Variants in TEAD1 observed in about 807,000 individuals in gnomAD.
The protein encoded by TEAD1 is transcriptional enhancer factor TEF-1.
TEAD1 carries 9 observed loss-of-function variants against 54.9 expected under a neutral mutation model. The ratio of observed to expected loss-of-function variants is 0.16; its 90% CI spans 0.10 to 0.29. The LOEUF (loss-of-function observed/expected upper bound fraction) is 0.29. Ranked by LOEUF, TEAD1 falls within the 10% of genes least tolerant of loss-of-function variation. TEAD1 has a pLI of 1.00. For synonymous variants in TEAD1, 200 were observed against 187.8 expected (o/e 1.07, Z -0.53); for missense variants, 387 against 535.9 (o/e 0.72, Z 2.74).
At chr11:12,890,425 C>T (rs773728376) in intron 9 of TEAD1, among the ~76,000 whole-genome samples, 3 of 152,164 alleles carry the variant, frequency 2.0e-5, no homozygotes, top group Non-Finnish European at 4.4e-5. Flanking sequence ...GGGACCGCTG[C>T]TTTAGAGCCT....
intron 2 of TEAD1, among the ~76,000 whole-genome samples, chr11:12,752,847 G>GTT (rs36003316): frequency 2.7e-5 from 4 of 147,866 alleles, no homozygotes; most frequent in African/African-American, 5.0e-5. Context: ...ATATGCTACA[G>GTT]TTTTTTTTTT....
Position 12,831,475 on chromosome 11 carries a change from G to T in TEAD1, c.203-30775G>T, listed in dbSNP as rs542517523. On this transcript the variant is annotated intron_variant, in intron 3 of 12. Coordinates refer to ENST00000527636, the MANE Select transcript of TEAD1 (RefSeq NM_021961.6). ...GTCTTAAAAATCTTGCTCTTGTATA[G>T]TCAAGAAATTATTGTTTGAAATGGT... Among the ~76,000 whole-genome samples, 53 of 152,286 alleles carry T rather than the reference G, an allele frequency of 3.5e-4. No individual in the cohort carries two copies. The South Asian group carries it at 0.011, about 31-fold the overall frequency.
chr11:12,857,453 A>T lies in TEAD1; in HGVS notation c.203-4797A>T, dbSNP rs1234570666. On this transcript the variant is annotated intron_variant, in intron 3 of 12. Transcript: ENST00000527636. ...ACAGGCGTGGTGTAAGGCAGAAAGG[A>T]AGACGGTCCCCAGGTGACTGCAGGA... Among the ~76,000 whole-genome samples the T allele has an allele frequency of 2.6e-5, 4 of 152,192 alleles. No individual in the cohort carries two copies. In the South Asian group the frequency reaches 8.3e-4, roughly 32 times the overall value.
At chr11:12,871,534 A>C (rs1259234300) in intron 5 of TEAD1, among the ~76,000 whole-genome samples, 2 of 152,176 alleles carry the variant, frequency 1.3e-5, no homozygotes, top group Non-Finnish European at 2.9e-5. Flanking sequence ...AGTTCCATGC[A>C]GGAGTCTCTT....
chr11:12,714,689 TG>T (rs1407431190), intron 2 of TEAD1, among the ~76,000 whole-genome samples: 1 of 152,086 alleles, frequency 6.6e-6, no homozygotes, highest in East Asian at 1.9e-4. Context: ...GCAACAGAAG[TG>T]TATTTGCTCA....
intron 9 of TEAD1, among the ~76,000 whole-genome samples, chr11:12,890,657 C>A (rs1210418843): frequency 6.6e-6 from 1 of 152,174 alleles, no homozygotes; most frequent in Non-Finnish European, 1.5e-5. Flanking sequence ...GAATGTCTTA[C>A]AGTAATGTGA....
chr11:12,869,962 C>T (rs1440343231), intron 5 of TEAD1, among the ~76,000 whole-genome samples: 1 of 152,162 alleles, frequency 6.6e-6, no homozygotes, highest in East Asian at 1.9e-4. Context: ...TCATTGCAAC[C>T]TCCGCCTCCC....
In TEAD1 at chr11:12,835,273, T is replaced by C. The variant is rs1946863337; in HGVS notation, c.203-26977T>C. Among the ~76,000 whole-genome samples the C allele has an allele frequency of 2.6e-5, 4 of 152,188 alleles. 1 individual carries two copies. In the South Asian group the frequency reaches 8.3e-4, roughly 31 times the overall value. On this transcript the variant is annotated intron_variant, in intron 3 of 12. Coordinates refer to ENST00000527636, the MANE Select transcript of TEAD1 (RefSeq NM_021961.6). ...GATGCTGATAGTTTATTACCCAATG[T>C]AGGTCTAGAATTTATACTTGCAGAG...
intron 8 of TEAD1, among the ~76,000 whole-genome samples, chr11:12,882,451 T>C (rs982259335): frequency 6.6e-6 from 1 of 152,124 alleles, no homozygotes; most frequent in African/African-American, 2.4e-5. Context: ...CCCACCTGTG[T>C]GTGTAGAATT....
Position 12,922,192 on chromosome 11 carries a change from C to CTTTT in TEAD1, c.874-2701_874-2698dup, listed in dbSNP as rs756723520. On this transcript the variant is annotated intron_variant, in intron 10 of 12. Transcript: ENST00000527636. ...AGGGGAATGTGGAGTACATGGTTCT[C>CTTTT]TTTTTTTTTTTTTTTTTTTTTTGAG... Among the ~76,000 whole-genome samples, 13 of 94,500 alleles carry CTTTT rather than the reference C, an allele frequency of 1.4e-4. 1 individual carries two copies. The highest frequency in any genetic ancestry group is 3.0e-4 in the African/African-American group (7 of 23,148). The allele number at this position is 94,500 out of a possible 152,430, so 62.0% of individuals were successfully genotyped here. A position where few individuals can be genotyped will look rare whatever the true frequency, so the allele number is the denominator to read the frequency against.
chr11:12,745,583 A>AG (rs1329667115), intron 2 of TEAD1, among the ~76,000 whole-genome samples: 5 of 146,114 alleles, frequency 3.4e-5, no homozygotes, highest in East Asian at 2.0e-4. Context: ...TGTCATTTTA[A>AG]GGGGTTTTTT....
At chr11:12,880,397 C>G (rs539460486) in intron 6 of TEAD1, among the ~76,000 whole-genome samples, 1 of 152,190 alleles carries the variant, frequency 6.6e-6, no homozygotes, top group Non-Finnish European at 1.5e-5. Flanking sequence ...AGTAGCAAAA[C>G]AAGAGTTTGG....
chr11:12,888,876 A>G (rs1312498628), intron 9 of TEAD1, among the ~76,000 whole-genome samples: 10 of 152,286 alleles, frequency 6.6e-5, no homozygotes, highest in South Asian at 2.1e-4. Context: ...GTCCATTTGT[A>G]GCTGATGAGT....
At chr11:12,881,223 G>T (rs2134096713) in intron 7 of TEAD1, among the ~76,000 whole-genome samples, 172 bp downstream of exon 7, 1 of 152,302 alleles carries the variant, frequency 6.6e-6, no homozygotes, top group South Asian at 2.1e-4. Flanking sequence ...GCAGGAAAGA[G>T]ACTGGCTTTT....
At chr11:12,763,143 C>T (rs1212580923) in intron 2 of TEAD1, among the ~76,000 whole-genome samples, 2 of 152,160 alleles carry the variant, frequency 1.3e-5, no homozygotes, top group Non-Finnish European at 2.9e-5. Flanking sequence ...TTCACATTGA[C>T]GTTATGCCAG....
At chr11:12,685,122 T>C (rs1943306173) in intron 2 of TEAD1, among the ~76,000 whole-genome samples, 2 of 152,222 alleles carry the variant, frequency 1.3e-5, no homozygotes, top group South Asian at 4.1e-4. Context: ...AAGATTGCTT[T>C]GTGTGAGCCT....
intron 2 of TEAD1, among the ~76,000 whole-genome samples, chr11:12,739,246 G>C (rs1405013267): frequency 6.7e-6 from 1 of 148,938 alleles, no homozygotes; most frequent in Non-Finnish European, 1.5e-5. Flanking sequence ...CTATCTATCA[G>C]TCATCTATCT....
At chr11:12,830,670 T>C (rs777298992) in intron 3 of TEAD1, among the ~76,000 whole-genome samples, 1 of 152,142 alleles carries the variant, frequency 6.6e-6, no homozygotes, top group Admixed American at 6.5e-5. Context: ...TTAACGTGTA[T>C]ATAATATGTA....
chr11:12,674,456 G>GCGC lies in TEAD1; in HGVS notation c.-581_-579dup, dbSNP rs1392770539. 2.6e-5 allele frequency: 4 copies of GCGC among 151,314 alleles called. No individual in the cohort carries two copies. Among genetic ancestry groups the GCGC allele is most frequent in the African/African-American group, 9.7e-5 (4 of 41,088 alleles). The allele number at this position is 151,314 out of a possible 1,614,324, so 9.4% of individuals were successfully genotyped here. A position where few individuals can be genotyped will look rare whatever the true frequency, so the allele number is the denominator to read the frequency against. ...TTCTTAGCATCGCTCGCGCCGCGCC[G>GCGC]CGCCGCCTGAGCCGAGCCGAGCCTC... On this transcript the variant is annotated 5_prime_UTR_variant, in exon 1 of 13. Coordinates refer to ENST00000527636, the MANE Select transcript of TEAD1 (RefSeq NM_021961.6).
Sources: gnomAD v4.1 joint callset for allele counts (sites outside exome capture counted in the v4.1 genomes callset) on GRCh38, gnomAD v4.1.1 for gene constraint, MANE v1.5 for transcripts, NCBI Gene and HGNC (gene_info 2026-07-23, HGNC 2026-07-21) for gene names.